The following CSMD3 variants were observed in gnomAD, a reference collection of about 807,000 sequenced individuals.
The protein encoded by CSMD3 is CUB and sushi domain-containing protein 3.
CSMD3 carries 177 observed loss-of-function variants against 435.2 expected under a neutral mutation model. That is an observed-to-expected ratio of 0.41 (90% confidence interval 0.36 to 0.46). CSMD3 has a LOEUF of 0.46. CSMD3 is among the 20% of genes least tolerant of loss of function. CSMD3 has a pLI of 0.34. For missense variants in CSMD3, 4,265 were observed against 4,504.6 expected, an observed-to-expected ratio of 0.95 and a Z score of 1.52; for synonymous variants, 1,656 against 1,520.5, an observed-to-expected ratio of 1.09 and a Z score of -2.07.
At chr8:112,304,542 A>T (rs1821237150) in intron 52 of CSMD3, among the ~76,000 whole-genome samples, 179 bp downstream of exon 52, 1 of 152,170 alleles carries the variant, frequency 6.6e-6, no homozygotes, top group Non-Finnish European at 1.5e-5. Flanking sequence ...ATTTGCTAGA[A>T]AAGCATTTAC....
chr8:113,012,943 G>C (rs2086310088), intron 6 of CSMD3, among the ~76,000 whole-genome samples: 1 of 152,014 alleles, frequency 6.6e-6, no homozygotes, highest in Non-Finnish European at 1.5e-5. Flanking sequence ...GACTAGAATG[G>C]TGGGATATAT....
At chr8:112,839,283 C>A (rs2080113884) in intron 11 of CSMD3, among the ~76,000 whole-genome samples, 1 of 151,702 alleles carries the variant, frequency 6.6e-6, no homozygotes, top group Admixed American at 6.6e-5. Flanking sequence ...TATCTGTACA[C>A]TGGTCTTCTC....
At chr8:112,357,372 A>G (rs1826719312) in intron 38 of CSMD3, among the ~76,000 whole-genome samples, 1 of 152,212 alleles carries the variant, frequency 6.6e-6, no homozygotes, top group Non-Finnish European at 1.5e-5. Flanking sequence ...AAAAGCATTC[A>G]GTTTTATAAG....
chr8:112,879,275 A>AT (rs1410817864), intron 10 of CSMD3, among the ~76,000 whole-genome samples: 1 of 152,140 alleles, frequency 6.6e-6, no homozygotes, highest in African/African-American at 2.4e-5. Flanking sequence ...GCAGTTGCAG[A>AT]TAAGAGATGA....
At chr8:112,266,745 T>C (rs2130429095) in intron 59 of CSMD3, among the ~76,000 whole-genome samples, 1 of 152,262 alleles carries the variant, frequency 6.6e-6, no homozygotes, top group South Asian at 2.1e-4. Flanking sequence ...TTTGATTAAA[T>C]ACAAACATAA....
intron 1 of CSMD3, among the ~76,000 whole-genome samples, chr8:113,432,276 A>G (rs988379606): frequency 1.3e-5 from 2 of 152,208 alleles, no homozygotes; most frequent in African/African-American, 4.8e-5. Context: ...TCAGTCCGGT[A>G]AATTGGGTTA....
intron 10 of CSMD3, among the ~76,000 whole-genome samples, chr8:112,913,632 TC>T (rs1476349950): frequency 6.6e-6 from 1 of 151,884 alleles, no homozygotes; most frequent in Non-Finnish European, 1.5e-5. Context: ...AAGTTTATGC[TC>T]CTCCACATTT....
chr8:112,637,029 C>T lies in CSMD3; in HGVS notation c.3527-24G>A, dbSNP rs780450369. The T allele has an allele frequency of 3.1e-6, 5 of 1,595,204 alleles. No homozygotes were observed. In the South Asian group the frequency reaches 5.5e-5, roughly 18 times the overall value. ...TTCTGTAAATTAGAGAGAAAAATTT[C>T]CCCGCGGGGGAGGAAAGGACAAAGA... On this transcript the variant is annotated intron_variant, in intron 21 of 70. Coordinates refer to ENST00000297405, the MANE Select transcript of CSMD3 (RefSeq NM_198123.2).
At chr8:113,005,438 T>G (rs1216680206) in intron 6 of CSMD3, among the ~76,000 whole-genome samples, 2 of 152,046 alleles carry the variant, frequency 1.3e-5, no homozygotes, top group Admixed American at 6.6e-5. Flanking sequence ...GAATTAGAGC[T>G]GCAAAATAGC....
At chr8:113,053,454 T>G (rs1464505686) in intron 5 of CSMD3, among the ~76,000 whole-genome samples, 3 of 152,052 alleles carry the variant, frequency 2.0e-5, no homozygotes, top group Non-Finnish European at 4.4e-5. Context: ...TATAAATAAT[T>G]ATATGTGCAT....
At chr8:112,326,106 T>C (rs1823487755) in intron 45 of CSMD3, among the ~76,000 whole-genome samples, 2 of 152,198 alleles carry the variant, frequency 1.3e-5, no homozygotes, top group Non-Finnish European at 2.9e-5. Context: ...ACATTTTGAT[T>C]TGGCAATTAT....
In CSMD3 at chr8:112,844,877, A is replaced by T. The variant is rs11992378; in HGVS notation, c.1755+14268T>A. 7.0e-4 allele frequency among the ~76,000 whole-genome samples: 106 copies of T among 152,036 alleles called. 2 individuals carry two copies. The highest frequency in any genetic ancestry group is 2.5e-3 in the African/African-American group (103 of 41,488). On this transcript the variant is annotated intron_variant, in intron 11 of 70. Coordinates refer to ENST00000297405, the MANE Select transcript of CSMD3 (RefSeq NM_198123.2). ...CAGAAAGACTGTATTTGGTTGTATA[A>T]AGTACATTAATTGCCATAATTTATT... is the stretch of plus-strand genomic sequence containing the variant.
At chr8:112,605,288 C>G (rs762713800) in intron 22 of CSMD3, among the ~76,000 whole-genome samples, 5 of 151,960 alleles carry the variant, frequency 3.3e-5, no homozygotes, top group Non-Finnish European at 7.4e-5. Context: ...AGTATTTACT[C>G]AAAGAAATAT....
At chr8:113,117,935 G>C (rs2090884483) in intron 4 of CSMD3, among the ~76,000 whole-genome samples, 1 of 152,176 alleles carries the variant, frequency 6.6e-6, no homozygotes, top group African/African-American at 2.4e-5. Flanking sequence ...TAGGAAGTAA[G>C]TAACCTGATT....
intron 2 of CSMD3, among the ~76,000 whole-genome samples, chr8:113,303,017 A>G (rs1026375600): frequency 1.2e-5 from 1 of 82,504 alleles, no homozygotes; most frequent in Non-Finnish European, 2.3e-5. Flanking sequence ...AAACCCCATC[A>G]TCTCAGCCCA....
intron 21 of CSMD3, 145 bp from the exon 22 acceptor site, chr8:112,637,150 C>A (rs1000913378): frequency 1.9e-5 from 13 of 670,764 alleles, no homozygotes; most frequent in Admixed American, 1.9e-4. Flanking sequence ...TCAGAACGTA[C>A]AAATGGCACA....
intron 2 of CSMD3, among the ~76,000 whole-genome samples, chr8:113,281,072 T>G (rs1317436726): frequency 1.3e-5 from 2 of 151,886 alleles, no homozygotes; most frequent in Non-Finnish European, 2.9e-5. Flanking sequence ...GTTTTTGGCC[T>G]ATCATGTAGT....
chr8:113,215,606 G>A (rs72687651), intron 3 of CSMD3, among the ~76,000 whole-genome samples: 9,799 of 151,810 alleles, frequency 0.065, 440 homozygotes, highest in Non-Finnish European at 0.094. Context: ...TCTAAAAGTT[G>A]TTTACTCTCA....
chr8:113,425,230 A>G (rs529373174), intron 1 of CSMD3, among the ~76,000 whole-genome samples: 2 of 151,676 alleles, frequency 1.3e-5, no homozygotes, highest in South Asian at 2.1e-4. Flanking sequence ...TCACTTCAAA[A>G]TAATACTATT....
Sources: gnomAD v4.1 joint callset for allele counts (sites outside exome capture counted in the v4.1 genomes callset) on GRCh38, gnomAD v4.1.1 for gene constraint, MANE v1.5 for transcripts, NCBI Gene and HGNC (gene_info 2026-07-23, HGNC 2026-07-21) for gene names.